Variants in IER3IP1 observed in about 807,000 individuals in gnomAD.
IER3IP1 encodes immediate early response 3 interacting protein 1.
In IER3IP1, 16 loss-of-function variants were observed where a neutral mutation model predicts 12.2. The observed-to-expected ratio is 1.31, with a 90% CI of 0.89 to 1.99. The LOEUF (loss-of-function observed/expected upper bound fraction) is 1.99, where lower values mean the gene tolerates loss of function less well. Among genes scored for constraint, IER3IP1 ranks in the 30% most tolerant of loss-of-function variants. The pLI, the probability that IER3IP1 is intolerant of heterozygous loss-of-function variation, is 0.00. For missense variants in IER3IP1, 95 were observed against 95.8 expected, an observed-to-expected ratio of 0.99 and a Z score of 0.03; for synonymous variants, 42 against 40.0, an observed-to-expected ratio of 1.05 and a Z score of -0.19.
intron 1 of IER3IP1, among the ~76,000 whole-genome samples, chr18:47,167,309 CCAAAA>C (rs1474322825): frequency 1.3e-5 from 2 of 152,156 alleles, no homozygotes; most frequent in African/African-American, 4.8e-5. Context: ...CCTCAGCCTC[CCAAAA>C]GGCTGGGATT....
At chr18:47,158,503 G>A (rs113027807) in intron 1 of IER3IP1, among the ~76,000 whole-genome samples, 4,002 of 151,614 alleles carry the variant, frequency 0.026, 62 homozygotes, top group Non-Finnish European at 0.041. Flanking sequence ...CACCACACCC[G>A]GCTAATTTTT....
At chr18:47,171,785 A>C (rs757839955) in intron 1 of IER3IP1, among the ~76,000 whole-genome samples, 2 of 151,596 alleles carry the variant, frequency 1.3e-5, no homozygotes, top group Non-Finnish European at 2.9e-5. Flanking sequence ...GCAGACTGAC[A>C]TTTCTCTTTT....
In IER3IP1 at chr18:47,153,408, ATTTTTACT is replaced by A. The variant is rs1261568315; in HGVS notation, c.*2761_*2768del. 1.6e-5 allele frequency: 2 copies of A among 126,948 alleles called. No individual in the cohort carries two copies. Among genetic ancestry groups the A allele is most frequent in the Non-Finnish European group, 3.4e-5 (2 of 59,602 alleles). The allele number at this position is 126,948 out of a possible 1,614,324, so 7.9% of individuals were successfully genotyped here. ...TAAAGCAGGGATTTTATTTTTTTAT[ATTTTTACT>A]TTTTTAACTTTTAGGGGTACAGTAC... On this transcript the variant is annotated 3_prime_UTR_variant, in exon 3 of 3. Coordinates refer to ENST00000256433, the MANE Select transcript of IER3IP1 (RefSeq NM_016097.5).
chr18:47,155,618 A>G lies in IER3IP1; in HGVS notation c.*559T>C, dbSNP rs1376503846. The G allele has an allele frequency of 6.6e-6, 1 of 152,286 alleles. No homozygotes were observed. The highest frequency in any genetic ancestry group is 1.5e-5 in the Non-Finnish European group (1 of 68,076). 9.4% of individuals were successfully genotyped at this position (152,286 alleles called of 1,614,324 possible). ...AGAATTCTCCCTGAAATCAGAGAAT[A>G]TTAATACTCAATAGTATGTATAAAT... On this transcript the variant is annotated 3_prime_UTR_variant, in exon 3 of 3. Coordinates refer to ENST00000256433, the MANE Select transcript of IER3IP1 (RefSeq NM_016097.5).
chr18:47,168,172 G>A (rs1226288403), intron 1 of IER3IP1, among the ~76,000 whole-genome samples: 2 of 145,128 alleles, frequency 1.4e-5, no homozygotes, highest in Non-Finnish European at 3.0e-5. Context: ...CTAGGTGGTG[G>A]TGGGTTCCTG....
At chr18:47,162,845 T>C (rs1418007417) in intron 1 of IER3IP1, among the ~76,000 whole-genome samples, 3 of 151,158 alleles carry the variant, frequency 2.0e-5, no homozygotes, top group Non-Finnish European at 4.4e-5. Context: ...TTAGTTTCAA[T>C]CTAGAATGCT....
chr18:47,161,912 A>G (rs140660046), intron 1 of IER3IP1, among the ~76,000 whole-genome samples: 1,815 of 151,886 alleles, frequency 0.012, 20 homozygotes, highest in Non-Finnish European at 0.019. Context: ...ATCAGGCATT[A>G]GATTCTTACA....
In IER3IP1 at chr18:47,176,347, C is replaced by CCGGCGCCTTCAA. The variant is rs1568075880; in HGVS notation, c.-71_-70insTTGAAGGCGCCG. 9 of 1,375,894 alleles carry CCGGCGCCTTCAA rather than the reference C, an allele frequency of 6.5e-6. No individual in the cohort carries two copies. Among genetic ancestry groups the CCGGCGCCTTCAA allele is most frequent in the Non-Finnish European group, 9.1e-6 (9 of 993,108 alleles). 85.2% of individuals were successfully genotyped at this position (1,375,894 alleles called of 1,614,324 possible). On this transcript the variant is annotated 5_prime_UTR_variant, in exon 1 of 3. Transcript: ENST00000256433. The stretch of plus-strand genomic sequence containing the variant: ...CGCCGCAAGGGACGTGGCGCCTCCA[C>CCGGCGCCTTCAA]GGCCGGCGCCTTCCTACGGAAGCCG...
At chr18:47,166,581 A>G (rs1404333981) in intron 1 of IER3IP1, among the ~76,000 whole-genome samples, 2 of 152,162 alleles carry the variant, frequency 1.3e-5, no homozygotes, top group Non-Finnish European at 2.9e-5. Context: ...AGGCTTGTAA[A>G]TCACATGAGA....
intron 1 of IER3IP1, among the ~76,000 whole-genome samples, chr18:47,167,208 A>G (rs1007268404): frequency 1.8e-4 from 27 of 152,076 alleles, no homozygotes; most frequent in Non-Finnish European, 3.7e-4. Context: ...AGTGTCACCA[A>G]GCCCGGCTAA....
chr18:47,156,913 T>G (rs2063962197), intron 2 of IER3IP1: 1 of 154,166 alleles, frequency 6.5e-6, no homozygotes, highest in African/African-American at 2.5e-5. Context: ...TCCTCCTGCC[T>G]CAGCCTCCCA....
intron 1 of IER3IP1, among the ~76,000 whole-genome samples, chr18:47,158,189 C>A (rs1263771768): frequency 6.6e-6 from 1 of 152,140 alleles, no homozygotes; most frequent in African/African-American, 2.4e-5. Flanking sequence ...TTTTTAGATT[C>A]TTTTTCAAAA....
At chr18:47,173,033 T>C (rs972489780) in intron 1 of IER3IP1, among the ~76,000 whole-genome samples, 1 of 152,244 alleles carries the variant, frequency 6.6e-6, no homozygotes, top group Non-Finnish European at 1.5e-5. Context: ...CTTCATTTAT[T>C]ATCTATGCTT....
rs183389916 is a variant in IER3IP1 at position 47,172,599 on chromosome 18, T to C, written c.91+3588A>G. On this transcript the variant is annotated intron_variant, in intron 1 of 2. Coordinates refer to ENST00000256433, the MANE Select transcript of IER3IP1 (RefSeq NM_016097.5). This position sits in a 1 kb window ranked among gnomAD's most constrained non-coding sequence, Gnocchi z 4.0. ...TAATAGGTGGGTAGCATATACAATG[T>C]GCATATGCTGGACAAAGGGAAGATT... Among the ~76,000 whole-genome samples, 1,877 of 152,328 alleles carry C rather than the reference T, an allele frequency of 0.012. 130 individuals are homozygous for C. The highest frequency in any genetic ancestry group is 0.11 in the Admixed American group (1,687 of 15,304).
intron 1 of IER3IP1, among the ~76,000 whole-genome samples, chr18:47,169,543 CA>C (rs1220887740): frequency 1.2e-4 from 19 of 152,212 alleles, no homozygotes; most frequent in Middle Eastern, 3.4e-3. Flanking sequence ...ACGACAATTC[CA>C]ATTTCTTCAC....
At chr18:47,164,792 A>AAG (rs146375530) in intron 1 of IER3IP1, among the ~76,000 whole-genome samples, 58 of 133,544 alleles carry the variant, frequency 4.3e-4, no homozygotes, top group Admixed American at 1.2e-3. Flanking sequence ...AAAAAAAAAC[A>AAG]AGAGAGAGAG....
intron 2 of IER3IP1, chr18:47,157,177 T>C (rs2063963432): frequency 2.2e-6 from 1 of 463,750 alleles, no homozygotes; most frequent in Admixed American, 3.9e-5. Flanking sequence ...ATTTTGTCTT[T>C]TAGCTCTGAC....
In IER3IP1 at chr18:47,171,092, G is replaced by A. The variant is rs2064014051; in HGVS notation, c.91+5095C>T. 2.0e-5 allele frequency among the ~76,000 whole-genome samples: 3 copies of A among 151,852 alleles called. 1 individual carries two copies. In the South Asian group the frequency reaches 6.2e-4, roughly 32 times the overall value. On this transcript the variant is annotated intron_variant, in intron 1 of 2. Transcript: ENST00000256433. ...TGAGTATTTTTTTTTTATCATGAAA[G>A]GGTACTGGATTTTTGTCAAATGCCT... is the stretch of plus-strand genomic sequence containing the variant.
chr18:47,171,527 C>G (rs1393551016), intron 1 of IER3IP1, among the ~76,000 whole-genome samples: 1 of 152,196 alleles, frequency 6.6e-6, no homozygotes, highest in Non-Finnish European at 1.5e-5. Flanking sequence ...TATTCATTAT[C>G]TCTCTTTGTA....
Sources: allele counts gnomAD v4.1 joint callset (sites outside exome capture counted in the v4.1 genomes callset), GRCh38; gene constraint gnomAD v4.1.1; non-coding constraint Gnocchi (gnomAD v3.1); transcripts MANE v1.5; gene names NCBI Gene and HGNC (gene_info 2026-07-23, HGNC 2026-07-21).